Variants in ZNF45 observed in about 807,000 individuals in gnomAD.
The protein encoded by ZNF45 is zinc finger protein 45.
In ZNF45, 4 loss-of-function variants were observed where a neutral mutation model predicts 12.0. The ratio of observed to expected loss-of-function variants is 0.33; its 90% CI spans 0.16 to 0.76. The LOEUF (loss-of-function observed/expected upper bound fraction) is 0.76, where lower values mean the gene tolerates loss of function less well. Ranked by LOEUF, ZNF45 falls within the 30% of genes least tolerant of loss-of-function variation. The pLI, the probability that ZNF45 is intolerant of heterozygous loss-of-function variation, is 0.60. For synonymous variants in ZNF45, 272 were observed against 279.6 expected (o/e 0.97, Z 0.27); for missense variants, 700 against 813.0 (o/e 0.86, Z 1.69).
rs1972961434 is a variant in ZNF45 at position 43,919,581 on chromosome 19, A to T, written c.134T>A (p.Val45Asp). The T allele has an allele frequency of 6.2e-7, 1 of 1,612,142 alleles. No homozygotes were observed. Among genetic ancestry groups the T allele is most frequent in the Admixed American group, 1.7e-5 (1 of 59,932 alleles). Residue 45 changes from valine (V) to aspartate (D), a missense_variant, in exon 8 of 10, where the codon GTC becomes GAC. By Grantham distance (152) the Val-to-Asp change is radical. Transcript: ENST00000269973. ...DVMLENFRNV[V>D]SVGHQSTPDG... ...AGAATGCCTGTCCTCACCCACTGAG[A>T]CCACATTCCTGAAGTTCTCCAGCAT...
rs759944689 is a variant in ZNF45, at chr19:43,913,488, T to C, written c.1948A>G (p.Ser650Gly). 6.2e-7 allele frequency: 1 copy of C among 1,613,644 alleles called. No individual in the cohort carries two copies. The highest frequency in any genetic ancestry group is 8.5e-7 in the Non-Finnish European group (1 of 1,179,670). ...YKCEECGKGF[S>G]WSSSLIIHQR... Reference sequence around the variant, plus strand: ...TGAATGATAAGACTTGAGCTCCAACTGAAGCCCTTCCCACACTCCTCACAT... The same window carrying C: ...TGAATGATAAGACTTGAGCTCCAACCGAAGCCCTTCCCACACTCCTCACAT... The change falls in exon 10 of 10, where the codon AGT becomes GGT. Residue 650 changes from serine (S) to glycine (G), a missense_variant. Physicochemically the swap from Ser to Gly is moderately conservative, Grantham distance 56 (BLOSUM62 0). Coordinates refer to ENST00000269973, the MANE Select transcript of ZNF45 (RefSeq NM_003425.4).
At chr19:43,926,296 A>G (rs1044258116) in intron 3 of ZNF45, 15 of 152,300 alleles carry the variant, frequency 9.8e-5, no homozygotes, top group South Asian at 4.1e-4. Flanking sequence ...GTCTTTCACC[A>G]TATTTGCTGT....
Position 43,914,119 on chromosome 19 carries a change from T to A in ZNF45, c.1317A>T (p.Thr439=), listed in dbSNP as rs1290928916. The A allele has an allele frequency of 6.2e-7, 1 of 1,613,276 alleles. No individual in the cohort carries two copies. Among genetic ancestry groups the A allele is most frequent in the Non-Finnish European group, 8.5e-7 (1 of 1,179,760 alleles). ...SDFNIHFRVH[T]GEKPYKCEEC... ...CCTCACATTTATAGGGTTTTTCCCC[T>A]GTATGGACTCTAAAATGAATGTTAA... The change falls in exon 10 of 10, where the codon ACA becomes ACT. Residue 439 remains threonine, a synonymous_variant. Coordinates refer to ENST00000269973, the MANE Select transcript of ZNF45 (RefSeq NM_003425.4).
chr19:43,930,110 T>C (rs1974000027), intron 3 of ZNF45: 1 of 152,290 alleles, frequency 6.6e-6, no homozygotes, highest in African/African-American at 2.4e-5. Flanking sequence ...AGGGCCTTTT[T>C]GCTGTGTTCT....
intron 3 of ZNF45, among the ~76,000 whole-genome samples, chr19:43,925,960 C>T (rs1973643307): frequency 6.6e-6 from 1 of 152,188 alleles, no homozygotes; most frequent in South Asian, 2.1e-4. Context: ...ATTTGTAATT[C>T]ACTTTGTTCT....
At chr19:43,928,413 T>C (rs933367279) in intron 3 of ZNF45, among the ~76,000 whole-genome samples, 6 of 152,076 alleles carry the variant, frequency 3.9e-5, no homozygotes, top group African/African-American at 1.4e-4. Context: ...AAATAACTCA[T>C]GGGTACTAGG....
intron 9 of ZNF45, among the ~76,000 whole-genome samples, chr19:43,915,705 C>T (rs1422255646): frequency 1.3e-5 from 2 of 152,070 alleles, no homozygotes; most frequent in Non-Finnish European, 2.9e-5. Context: ...ATCTAGGTTG[C>T]GTGAGAATCT....
At position 43,919,670 on chromosome 19, in the gene ZNF45, C is replaced by T; in HGVS notation, c.45G>A (p.Val15=). 1.2e-6 allele frequency: 2 copies of T among 1,612,714 alleles called. No individual in the cohort carries two copies. The highest frequency in any genetic ancestry group is 1.1e-5 in the South Asian group (1 of 91,034). ...GTTGCAGCTCCTCCTCAGAGAAGAC[C>T]ACAGCCACGTCCTTGAATGTCACTG... ...KEAVTFKDVA[V]VFSEEELQLL... Residue 15 remains valine (V), a synonymous_variant, in exon 8 of 10, where the codon GTG becomes GTA. Coordinates refer to ENST00000269973, the MANE Select transcript of ZNF45 (RefSeq NM_003425.4).
intron 3 of ZNF45, among the ~76,000 whole-genome samples, chr19:43,930,783 A>G (rs1974074271): frequency 6.6e-6 from 1 of 152,162 alleles, no homozygotes; most frequent in South Asian, 2.1e-4. Flanking sequence ...AATTTTTCTC[A>G]TAGCTACACT....
rs190453294 is a variant in ZNF45, at chr19:43,926,001, A to C, written c.-399-543T>G. ...TATATTTGCCCAGCAACCTCTGCTC[A>C]GTAAGAATGTTTTGCAGGGGATATA... On this transcript the variant is annotated intron_variant, in intron 3 of 9. Transcript: ENST00000269973. Among the ~76,000 whole-genome samples, 11 of 152,364 alleles carry C rather than the reference A, an allele frequency of 7.2e-5. No homozygotes were observed. The East Asian group carries it at 2.1e-3, about 29-fold the overall frequency.
intron 8 of ZNF45, among the ~76,000 whole-genome samples, chr19:43,919,217 T>C (rs939400267): frequency 6.6e-6 from 1 of 152,156 alleles, no homozygotes; most frequent in South Asian, 2.1e-4. Context: ...CAACAGGACA[T>C]AGTTTTTGCT....
intron 7 of ZNF45, among the ~76,000 whole-genome samples, chr19:43,921,519 C>T (rs1000445114): frequency 6.6e-6 from 1 of 152,100 alleles, no homozygotes; most frequent in African/African-American, 2.4e-5. Context: ...TCATGTCACA[C>T]GATGTCATAT....
chr19:43,919,536 G>C, intron 8 of ZNF45, 37 bp downstream of exon 8: 1 of 1,599,638 alleles, frequency 6.3e-7, no homozygotes, highest in South Asian at 1.1e-5. Context: ...AGACAACAGA[G>C]GGAGCCAATG....
chr19:43,914,451 C>G lies in ZNF45; in HGVS notation c.985G>C (p.Glu329Gln), dbSNP rs761511592. Residue 329 changes from glutamate to glutamine, a missense_variant, in exon 10 of 10, where the codon GAG (glutamate) becomes CAG (glutamine). Glu to Gln is a conservative substitution (Grantham distance 29). Transcript: ENST00000269973. ...LQAHERIHTG[E>Q]KPYKCNACGK... The stretch of plus-strand genomic sequence containing the variant: ...CATGCATTGCATTTGTATGGTTTCT[C>G]GCCAGTGTGGATTCGCTCATGAGCC... 12 of 1,611,212 alleles carry G rather than the reference C, an allele frequency of 7.4e-6. No homozygotes were observed. Among genetic ancestry groups the G allele is most frequent in the African/African-American group, 1.3e-5 (1 of 74,986 alleles).
chr19:43,914,517 C>T lies in ZNF45; in HGVS notation c.919G>A (p.Glu307Lys). 6 of 1,612,878 alleles carry T rather than the reference C, an allele frequency of 3.7e-6. No homozygotes were observed. Among genetic ancestry groups the T allele is most frequent in the Non-Finnish European group, 5.1e-6 (6 of 1,178,984 alleles). The change falls in exon 10 of 10, where the codon GAA (glutamate) becomes AAA (lysine). Residue 307 changes from glutamate to lysine, a missense_variant. By Grantham distance (56) the Glu-to-Lys change is moderately conservative. Transcript: ENST00000269973. ...VHTGKKPYKC[E>K]ECGKSFSWRS... ...CAACTGAAGCTCTTCCCACACTCTTCACACTTATATGGTTTCTTTCCAGTG... is the reference window on the plus strand; with the variant it reads ...CAACTGAAGCTCTTCCCACACTCTTTACACTTATATGGTTTCTTTCCAGTG...
intron 8 of ZNF45, among the ~76,000 whole-genome samples, chr19:43,919,240 T>C (rs1972929099): frequency 6.6e-6 from 1 of 152,230 alleles, no homozygotes; most frequent in African/African-American, 2.4e-5. Context: ...AATGTGCAGT[T>C]ATTGCCAAGT....
At chr19:43,922,315 T>TGTTTTG (rs57712519) in intron 6 of ZNF45, 98 bp from the exon 7 acceptor site, 101 of 844,494 alleles carry the variant, frequency 1.2e-4, no homozygotes, top group Middle Eastern at 2.4e-4. Flanking sequence ...TGTTTTGTTT[T>TGTTTTG]TTTTAACGTG....
chr19:43,926,977 C>T (rs1973731451), intron 3 of ZNF45, among the ~76,000 whole-genome samples: 1 of 152,152 alleles, frequency 6.6e-6, no homozygotes, highest in African/African-American at 2.4e-5. Flanking sequence ...ATGTTAGAAA[C>T]AGATTACCCT....
intron 6 of ZNF45, 93 bp downstream of exon 6, chr19:43,924,145 A>G (rs1450768539): frequency 6.6e-6 from 1 of 152,154 alleles, no homozygotes; most frequent in African/African-American, 2.4e-5. Flanking sequence ...GCACAATAAT[A>G]ACAACAAAAA....
Sources: allele counts gnomAD v4.1 joint callset (sites outside exome capture counted in the v4.1 genomes callset), GRCh38; gene constraint gnomAD v4.1.1; transcripts MANE v1.5; gene names NCBI Gene and HGNC (gene_info 2026-07-23, HGNC 2026-07-21).